The following ADAMTS8 variants were observed in gnomAD, a reference collection of about 807,000 sequenced individuals.
ADAMTS8 encodes A disintegrin and metalloproteinase with thrombospondin motifs 8.
In ADAMTS8, 50 loss-of-function variants were observed where a neutral mutation model predicts 64.4. That is an observed-to-expected ratio of 0.78 (90% CI 0.62 to 0.98). The LOEUF is 0.98. Among genes scored for constraint, ADAMTS8 ranks in the 50% least tolerant of loss-of-function variants. The pLI is 0.00. For missense variants in ADAMTS8, 1,192 were observed against 1,208.2 expected (o/e 0.99, Z 0.20); for synonymous variants, 556 against 533.6 (o/e 1.04, Z -0.58).
chr11:130,406,526 C>T (rs897138848), intron 8 of ADAMTS8, among the ~76,000 whole-genome samples: 1 of 152,198 alleles, frequency 6.6e-6, no homozygotes. Context: ...TGATTGGCCA[C>T]CTCCATACCC....
Position 130,419,087 on chromosome 11 carries a change from TCTGGGTGGCGGTCG to T in ADAMTS8, c.912_925del (p.Ser304ArgfsTer22), listed in dbSNP as rs1266129004. The T allele has an allele frequency of 1.2e-6, 2 of 1,614,164 alleles. No homozygotes were observed. The highest frequency in any genetic ancestry group is 3.3e-5 in the Admixed American group (2 of 60,026). On this transcript the variant is annotated frameshift_variant, in exon 2 of 9. Coordinates refer to ENST00000257359, the MANE Select transcript of ADAMTS8 (RefSeq NM_007037.6). LOFTEE classifies it high-confidence loss of function. ...GAGCAGGATGGCCGTGTCGTAGTGC[TCTGGGTGGCGGTCG>T]CTGGGCTGGTTGAAACGCCGCTGCC... is the stretch of plus-strand genomic sequence containing the variant.
chr11:130,427,451 C>CTTTT (rs36087476), intron 1 of ADAMTS8, 116 bp downstream of exon 1: 206 of 438,422 alleles, frequency 4.7e-4, no homozygotes, highest in South Asian at 2.1e-3. Flanking sequence ...GTGGGGAGGG[C>CTTTT]TTTTTTTTTT....
chr11:130,411,718 G>T lies in ADAMTS8; in HGVS notation c.1567-118C>A. 1.9e-6 allele frequency: 2 copies of T among 1,059,742 alleles called. No individual in the cohort carries two copies. Among genetic ancestry groups the T allele is most frequent in the East Asian group, 2.5e-5 (1 of 40,236 alleles). The allele number at this position is 1,059,742 out of a possible 1,614,324, so 65.6% of individuals were successfully genotyped here. A position where few individuals can be genotyped will look rare whatever the true frequency, so the allele number is the denominator to read the frequency against. ...CTAGTCATTATCATCTTGGTGCATG[G>T]AGTGCCGTAAACTGCCTCAATCATT... On this transcript the variant is annotated intron_variant, in intron 5 of 8. Coordinates refer to ENST00000257359, the MANE Select transcript of ADAMTS8 (RefSeq NM_007037.6). The surrounding 1 kb of genome is among the most constrained non-coding windows in gnomAD (Gnocchi z 4.2).
At chr11:130,419,005 C>T (rs770611533) in intron 2 of ADAMTS8, 48 bp downstream of exon 2, 1 of 1,610,840 alleles carries the variant, frequency 6.2e-7, no homozygotes, top group Admixed American at 1.7e-5. Flanking sequence ...TTTGATCTGC[C>T]CATCCTGTCT....
chr11:130,420,618 G>A (rs1862087253), intron 1 of ADAMTS8, among the ~76,000 whole-genome samples: 1 of 152,108 alleles, frequency 6.6e-6, no homozygotes, highest in Non-Finnish European at 1.5e-5. Context: ...CATCGGGTGA[G>A]GCCATGTGTG....
rs759941434 is a variant in ADAMTS8, at chr11:130,405,891, G to A, written c.2337C>T (p.Phe779=). The stretch of plus-strand genomic sequence containing the variant: ...CTGTCAGAGGCTCTGGCAAGGGCCG[G>A]AAGCTCTGCAGGCGCTCCAGGGTGG... ...SIATLERLQS[F]RPLPEPLTVQ... The change falls in exon 9 of 9, where the codon TTC becomes TTT. Residue 779 remains phenylalanine (F), a synonymous_variant. Transcript: ENST00000257359. 1 of 1,614,110 alleles carries A rather than the reference G, an allele frequency of 6.2e-7. No individual in the cohort carries two copies. The highest frequency in any genetic ancestry group is 8.5e-7 in the Non-Finnish European group (1 of 1,180,004).
rs540901076 is a variant in ADAMTS8 at position 130,416,493 on chromosome 11, G to A, written c.1097-163C>T. 7.9e-4 allele frequency among the ~76,000 whole-genome samples: 121 copies of A among 152,340 alleles called. 1 individual carries two copies. The highest frequency in any genetic ancestry group is 7.3e-3 in the East Asian group (38 of 5,178). On this transcript the variant is annotated intron_variant, in intron 3 of 8. Transcript: ENST00000257359. The surrounding 1 kb of genome is among the most constrained non-coding windows in gnomAD (Gnocchi z 4.8). Reference sequence around the variant, plus strand: ...CCTGCGCTTTGCTCTTCCAGGACGCGTTCTCAGATGACTAAGAAACACGGA... The same window carrying A: ...CCTGCGCTTTGCTCTTCCAGGACGCATTCTCAGATGACTAAGAAACACGGA...
chr11:130,419,305 A>G lies in ADAMTS8; in HGVS notation c.721-13T>C, dbSNP rs749499682. 1 of 1,613,702 alleles carries G rather than the reference A, an allele frequency of 6.2e-7. No homozygotes were observed. The highest frequency in any genetic ancestry group is 1.1e-5 in the South Asian group (1 of 91,078). ...TCAGGATGTGGTTCTGTCAGGAAGG[A>G]GGAGACAAGAGGCGGAGTGAAGGGT... On this transcript the variant is annotated splice_polypyrimidine_tract_variant and intron_variant, in intron 1 of 8. Transcript: ENST00000257359.
At chr11:130,427,495 A>C in intron 1 of ADAMTS8, 72 bp downstream of exon 1, 16 of 459,472 alleles carry the variant, frequency 3.5e-5, no homozygotes, top group South Asian at 7.4e-5. Context: ...TTGGAAGGGG[A>C]GATTTTAGAG....
chr11:130,422,454 G>A (rs1862112649), intron 1 of ADAMTS8, among the ~76,000 whole-genome samples: 1 of 152,078 alleles, frequency 6.6e-6, no homozygotes, highest in South Asian at 2.1e-4. Context: ...ACATCCAGCC[G>A]GTTTGCGCTT....
In ADAMTS8 at chr11:130,427,978, G is replaced by A. The variant is rs943551975; in HGVS notation, c.309C>T (p.Ser103=). Residue 103 remains serine, a synonymous_variant, in exon 1 of 9, where the codon TCC becomes TCT. Coordinates refer to ENST00000257359, the MANE Select transcript of ADAMTS8 (RefSeq NM_007037.6). The part of the protein sequence containing the change: ...GERGLRGCFF[S]GTVNGEPESL... ...ACTCGGGCTCCCCATTCACGGTGCC[G>A]GAGAAGAAGCAGCCGCGCAGCCCCC... The A allele has an allele frequency of 6.5e-7, 1 of 1,530,416 alleles. No homozygotes were observed. The highest frequency in any genetic ancestry group is 8.7e-7 in the Non-Finnish European group (1 of 1,144,996). The allele number at this position is 1,530,416 out of a possible 1,614,324, so 94.8% of individuals were successfully genotyped here.
At chr11:130,418,864 TCTC>T (rs1862060929) in intron 2 of ADAMTS8, among the ~76,000 whole-genome samples, 186 bp downstream of exon 2, 1 of 151,534 alleles carries the variant, frequency 6.6e-6, no homozygotes, top group Non-Finnish European at 1.5e-5. Context: ...ACAAGATTCT[TCTC>T]CTTCCCTTGC....
rs746535050 is a variant in ADAMTS8, at chr11:130,428,059, C to A, written c.228G>T (p.Ala76=). 3.1e-5 allele frequency: 48 copies of A among 1,532,870 alleles called. No homozygotes were observed. The Admixed American group carries it at 9.1e-4, about 29-fold the overall frequency. 95.0% of individuals were successfully genotyped at this position (1,532,870 alleles called of 1,614,324 possible). A position where few individuals can be genotyped will look rare whatever the true frequency, so the allele number is the denominator to read the frequency against. ...LRLAPDDSFL[A]PEFKIERLGG... is the part of the protein sequence containing the mutation. ...CGAGGCGCTCGATCTTGAACTCGGG[C>A]GCTAGGAAGCTGTCGTCGGGCGCCA... Residue 76 remains alanine, a synonymous_variant, in exon 1 of 9, where the codon GCG becomes GCT. Transcript: ENST00000257359.
chr11:130,423,051 G>A (rs528906225), intron 1 of ADAMTS8, among the ~76,000 whole-genome samples: 71 of 152,332 alleles, frequency 4.7e-4, no homozygotes, highest in African/African-American at 1.7e-3. Flanking sequence ...CTTGCTCAAG[G>A]ACACTACATT....
At chr11:130,421,550 T>A (rs909451397) in intron 1 of ADAMTS8, among the ~76,000 whole-genome samples, 2 of 152,328 alleles carry the variant, frequency 1.3e-5, no homozygotes, top group African/African-American at 4.8e-5. Context: ...GATTCTGTGG[T>A]CCAGTGTTCC....
chr11:130,418,942 T>G, intron 2 of ADAMTS8, 111 bp downstream of exon 2: 1 of 1,534,706 alleles, frequency 6.5e-7, no homozygotes, highest in South Asian at 1.2e-5. Flanking sequence ...GGCGTCCAGC[T>G]GGGGCCAGCA....
In ADAMTS8 at chr11:130,416,813, C is replaced by G; in HGVS notation, c.1096+127G>C. On this transcript the variant is annotated intron_variant, in intron 3 of 8. Coordinates refer to ENST00000257359, the MANE Select transcript of ADAMTS8 (RefSeq NM_007037.6). The surrounding 1 kb of genome is among the most constrained non-coding windows in gnomAD (Gnocchi z 4.8). ...CGGTATCTGTTTGTATACAGTCACC[C>G]TGTCAAAATTAGGAGGAGCTATTCC... 1 of 1,437,928 alleles carries G rather than the reference C, an allele frequency of 7.0e-7. No homozygotes were observed. Among genetic ancestry groups the G allele is most frequent in the Non-Finnish European group, 9.6e-7 (1 of 1,044,564 alleles). 89.1% of individuals were successfully genotyped at this position (1,437,928 alleles called of 1,614,324 possible). A position where few individuals can be genotyped will look rare whatever the true frequency, so the allele number is the denominator to read the frequency against.
At position 130,428,330 on chromosome 11, in the gene ADAMTS8, G is replaced by A; in HGVS notation, c.-44C>T. On this transcript the variant is annotated 5_prime_UTR_variant, in exon 1 of 9. Transcript: ENST00000257359. ...TGCGCGCAGGAGAGGGAAGAAGCCC[G>A]CCAGGCGCGGGCAGGTGCTGGCGGC... 2 of 1,259,954 alleles carry A rather than the reference G, an allele frequency of 1.6e-6. No homozygotes were observed. Among genetic ancestry groups the A allele is most frequent in the Non-Finnish European group, 1.0e-6 (1 of 993,162 alleles). The allele number at this position is 1,259,954 out of a possible 1,614,324, so 78.0% of individuals were successfully genotyped here. A position where few individuals can be genotyped will look rare whatever the true frequency, so the allele number is the denominator to read the frequency against.
In ADAMTS8 at chr11:130,428,442, G is replaced by A. The variant is rs1299621644; in HGVS notation, c.-156C>T. On this transcript the variant is annotated 5_prime_UTR_variant, in exon 1 of 9. Coordinates refer to ENST00000257359, the MANE Select transcript of ADAMTS8 (RefSeq NM_007037.6). ...CGGCCCGCGGGGCCCGGCGGCGGGA[G>A]CGCTCCCCCGGCGGCCCCTCTGGCT... 8.6e-6 allele frequency: 9 copies of A among 1,049,078 alleles called. No homozygotes were observed. The highest frequency in any genetic ancestry group is 1.7e-5 in the African/African-American group (1 of 58,332). 65.0% of individuals were successfully genotyped at this position (1,049,078 alleles called of 1,614,324 possible). A position where few individuals can be genotyped will look rare whatever the true frequency, so the allele number is the denominator to read the frequency against.
Sources: gnomAD v4.1 joint callset for allele counts (sites outside exome capture counted in the v4.1 genomes callset) on GRCh38, gnomAD v4.1.1 for gene constraint, Gnocchi (gnomAD v3.1) non-coding constraint, MANE v1.5 for transcripts, NCBI Gene and HGNC (gene_info 2026-07-23, HGNC 2026-07-21) for gene names.